USP7: variants seen among roughly 807,000 people sequenced by gnomAD.
USP7 encodes ubiquitin C-terminal hydrolase 7.
A neutral mutation model predicts 162.9 loss-of-function variants in USP7; 9 were observed. That is an observed-to-expected ratio of 0.06 (90% CI 0.03 to 0.10). The LOEUF (loss-of-function observed/expected upper bound fraction) is 0.10. Among genes scored for constraint, USP7 ranks in the 10% least tolerant of loss-of-function variants. USP7 has a pLI of 1.00. For synonymous variants in USP7, 562 were observed against 475.9 expected (o/e 1.18, Z -2.35); for missense variants, 715 against 1,373.7 (o/e 0.52, Z 7.58).
intron 17 of USP7, 38 bp from the exon 18 acceptor site, chr16:8,902,225 A>C (rs757295570): frequency 1.2e-6 from 2 of 1,604,866 alleles, no homozygotes; most frequent in Admixed American, 1.7e-5. Context: ...GAAGAGTCTA[A>C]TGGCTTAGGT....
intron 1 of USP7, among the ~76,000 whole-genome samples, chr16:8,946,043 G>C (rs1899258668): frequency 6.6e-6 from 1 of 152,082 alleles, no homozygotes; most frequent in African/African-American, 2.4e-5. Context: ...TTTTGACAAA[G>C]GTACAAAAGC....
intron 1 of USP7, among the ~76,000 whole-genome samples, chr16:8,949,072 T>C (rs1899430915): frequency 1.3e-5 from 2 of 152,202 alleles, no homozygotes; most frequent in Non-Finnish European, 1.5e-5. Flanking sequence ...GTGATGAAAA[T>C]GTGCTCGAAT....
chr16:8,920,244 G>C (rs1047887328), intron 5 of USP7, 115 bp downstream of exon 5: 3 of 869,624 alleles, frequency 3.4e-6, no homozygotes, highest in African/African-American at 1.7e-5. Flanking sequence ...CAGGGCAAGC[G>C]CAGAGAGGAG....
At chr16:8,948,304 T>C (rs1899380086) in intron 1 of USP7, among the ~76,000 whole-genome samples, 1 of 152,124 alleles carries the variant, frequency 6.6e-6, no homozygotes, top group South Asian at 2.1e-4. Context: ...CACCTCAGCC[T>C]CCAGAGTAGC....
chr16:8,930,797 C>T (rs910707666), intron 1 of USP7, among the ~76,000 whole-genome samples: 4 of 152,062 alleles, frequency 2.6e-5, no homozygotes, highest in African/African-American at 7.2e-5. Flanking sequence ...GGTGAAACCC[C>T]GTCTCTACTA....
chr16:8,928,152 C>G (rs1025908844), intron 2 of USP7, among the ~76,000 whole-genome samples: 1 of 152,230 alleles, frequency 6.6e-6, no homozygotes, highest in Non-Finnish European at 1.5e-5. Context: ...ATACATGTCT[C>G]CCATCTCTTT....
At chr16:8,948,772 G>A (rs1167011760) in intron 1 of USP7, among the ~76,000 whole-genome samples, 1 of 152,028 alleles carries the variant, frequency 6.6e-6, no homozygotes, top group Non-Finnish European at 1.5e-5. Context: ...AACAAGCATG[G>A]AAAACACAGC....
chr16:8,901,046 G>C lies in USP7; in HGVS notation c.2152C>G (p.Pro718Ala), dbSNP rs1423379442. 1 of 1,614,060 alleles carries C rather than the reference G, an allele frequency of 6.2e-7. No individual in the cohort carries two copies. The highest frequency in any genetic ancestry group is 8.5e-7 in the Non-Finnish European group (1 of 1,179,972). ...AATCCTGCTCTGTCACACATAACTG[G>C]GAGCAAGTCACCTAGGAGAAAGAAG... is the stretch of plus-strand genomic sequence containing the variant. ...PISCKIRDLL[P>A]VMCDRAGFIQ... is the part of the protein sequence containing the mutation. Residue 718 changes from proline (P) to alanine (A), a missense_variant, in exon 20 of 31, where the codon CCA becomes GCA. Transcript: ENST00000344836.
At position 8,939,857 on chromosome 16, in the gene USP7, T is replaced by C. The variant is rs990653741; in HGVS notation, c.80-9460A>G. 6.6e-5 allele frequency among the ~76,000 whole-genome samples: 10 copies of C among 152,326 alleles called. No homozygotes were observed. The East Asian group carries it at 9.6e-4, about 15-fold the overall frequency. On this transcript the variant is annotated intron_variant, in intron 1 of 30. Transcript: ENST00000344836. ...GCTCACGCCTGTAATCACAGCACTTTGGGAGGCCAAGGAGGGCAGATCACG... is the reference window on the plus strand; with the variant it reads ...GCTCACGCCTGTAATCACAGCACTTCGGGAGGCCAAGGAGGGCAGATCACG...
At chr16:8,908,033 G>A (rs920963922) in intron 12 of USP7, among the ~76,000 whole-genome samples, 2 of 152,166 alleles carry the variant, frequency 1.3e-5, no homozygotes, top group Non-Finnish European at 1.5e-5. Flanking sequence ...TAGAAATCCT[G>A]TGAATGCAAG....
intron 1 of USP7, among the ~76,000 whole-genome samples, chr16:8,936,264 T>C (rs1481016942): frequency 6.6e-6 from 1 of 152,082 alleles, no homozygotes; most frequent in Non-Finnish European, 1.5e-5. Context: ...CAACACCTGG[T>C]CTCTGGGTGG....
At chr16:8,950,415 A>C (rs1899498051) in intron 1 of USP7, among the ~76,000 whole-genome samples, 1 of 152,250 alleles carries the variant, frequency 6.6e-6, no homozygotes, top group African/African-American at 2.4e-5. Flanking sequence ...TTACATTTTA[A>C]ATAACAGCTT....
chr16:8,949,456 C>T (rs1203640416), intron 1 of USP7: 1 of 152,222 alleles, frequency 6.6e-6, no homozygotes, highest in Non-Finnish European at 1.5e-5. Context: ...AGCAAAGTAA[C>T]ACAACACAAC....
At chr16:8,956,330 C>G (rs888106346) in intron 1 of USP7, 1 of 152,210 alleles carries the variant, frequency 6.6e-6, no homozygotes, top group East Asian at 1.9e-4. Flanking sequence ...CCACAGCGCT[C>G]GCTCCCAGGT....
chr16:8,929,260 C>T (rs914758690), intron 2 of USP7: 10 of 338,846 alleles, frequency 3.0e-5, no homozygotes, highest in Non-Finnish European at 5.8e-5. Context: ...AGTAAAACCT[C>T]CAAAAGCCCA....
intron 13 of USP7, among the ~76,000 whole-genome samples, chr16:8,905,602 A>C (rs910677354): frequency 2.0e-5 from 3 of 152,200 alleles, no homozygotes; most frequent in Admixed American, 6.5e-5. Flanking sequence ...CAATTTTTAT[A>C]ATCTACTGAA....
intron 1 of USP7, among the ~76,000 whole-genome samples, chr16:8,942,975 G>A (rs1429244165): frequency 6.6e-6 from 1 of 152,108 alleles, no homozygotes; most frequent in Non-Finnish European, 1.5e-5. Flanking sequence ...ACCTTTTCAG[G>A]CACTGCGGGC....
intron 1 of USP7, among the ~76,000 whole-genome samples, chr16:8,943,209 G>A (rs1233546978): frequency 6.6e-6 from 1 of 152,102 alleles, no homozygotes; most frequent in Non-Finnish European, 1.5e-5. Flanking sequence ...CTGTTCCCTA[G>A]AGATCATCCT....
In USP7 at chr16:8,915,520, G is replaced by A. The variant is rs2289111; in HGVS notation, c.912C>T (p.Leu304=). 65 of 1,612,410 alleles carry A rather than the reference G, an allele frequency of 4.0e-5. No individual in the cohort carries two copies. The East Asian group carries it at 5.6e-4, about 14-fold the overall frequency. Residue 304 remains leucine, a synonymous_variant, in exon 9 of 31, where the codon CTC becomes CTT. Coordinates refer to ENST00000344836, the MANE Select transcript of USP7 (RefSeq NM_003470.3). ...CTTTCATCTTATTTTCCACATTATC[G>A]AGCAACTGAAAAAGAATGTTTTGGC... is the stretch of plus-strand genomic sequence containing the variant. The part of the protein sequence containing the change: ...HDVQELCRVL[L]DNVENKMKGT...
Sources: allele counts gnomAD v4.1 joint callset (sites outside exome capture counted in the v4.1 genomes callset), GRCh38; gene constraint gnomAD v4.1.1; transcripts MANE v1.5; gene names NCBI Gene and HGNC (gene_info 2026-07-23, HGNC 2026-07-21).